NLRP13: variants seen among roughly 807,000 people sequenced by gnomAD.
NLRP13 encodes the protein NACHT, LRR and PYD domains-containing protein 13.
In NLRP13, 82 loss-of-function variants were observed where a neutral mutation model predicts 94.4. That is an observed-to-expected ratio of 0.87 (90% confidence interval 0.73 to 1.04). The LOEUF (loss-of-function observed/expected upper bound fraction) is 1.04. Ranked by LOEUF, NLRP13 falls within the 50% of genes least tolerant of loss-of-function variation. The pLI is 0.00. For missense variants in NLRP13, 1,426 were observed against 1,230.8 expected, an observed-to-expected ratio of 1.16 and a Z score of -2.37; for synonymous variants, 553 against 464.7, an observed-to-expected ratio of 1.19 and a Z score of -2.45.
chr19:55,907,548 G>T (rs113950900), intron 7 of NLRP13, among the ~76,000 whole-genome samples: 1 of 152,050 alleles, frequency 6.6e-6, no homozygotes, highest in Non-Finnish European at 1.5e-5. Flanking sequence ...CTCCAGCCCG[G>T]GGAACAGAGT....
At chr19:55,902,631 G>T (rs554505425) in intron 8 of NLRP13, among the ~76,000 whole-genome samples, 1 of 152,194 alleles carries the variant, frequency 6.6e-6, no homozygotes, top group Admixed American at 6.5e-5. Flanking sequence ...AGCTGCCAGT[G>T]AGCCCACGAG....
chr19:55,893,686 C>T (rs1272648274), downstream of NLRP13, among the ~76,000 whole-genome samples: 1 of 152,102 alleles, frequency 6.6e-6, no homozygotes, highest in Non-Finnish European at 1.5e-5. Flanking sequence ...TAACTCAGGC[C>T]ATTTTCACTG....
intron 4 of NLRP13, among the ~76,000 whole-genome samples, chr19:55,919,394 A>T (rs1986754902): frequency 6.6e-6 from 1 of 152,130 alleles, no homozygotes; most frequent in African/African-American, 2.4e-5. Context: ...AGAGAAAGAA[A>T]TAAAAAGGTA....
chr19:55,922,564 G>A (rs1194863350), intron 4 of NLRP13, among the ~76,000 whole-genome samples: 1 of 152,192 alleles, frequency 6.6e-6, no homozygotes, highest in Non-Finnish European at 1.5e-5. Context: ...TTGACCTCGT[G>A]ATCTGCCTAC....
intron 4 of NLRP13, among the ~76,000 whole-genome samples, chr19:55,922,711 G>A (rs1313761295): frequency 2.0e-5 from 3 of 152,308 alleles, no homozygotes; most frequent in Admixed American, 1.3e-4. Context: ...TTCATTCCAA[G>A]ACTCAGCATC....
downstream of NLRP13, among the ~76,000 whole-genome samples, chr19:55,892,378 T>TAC (rs887019606): frequency 9.3e-5 from 5 of 54,028 alleles, no homozygotes; most frequent in South Asian, 7.7e-3. Context: ...TATATGTATA[T>TAC]ACACACACAT....
chr19:55,912,105 T>C lies in NLRP13; in HGVS notation c.1712A>G (p.Gln571Arg). The change falls in exon 5 of 11, where the codon CAA (glutamine) becomes CGA (arginine). Residue 571 changes from glutamine to arginine, a missense_variant. By Grantham distance (43) the Gln-to-Arg change is conservative. Coordinates refer to ENST00000342929, the MANE Select transcript of NLRP13 (RefSeq NM_176810.2). ...GGCTTCTTTGTCAAGCAAGACGTGTTGCAGTAACATCTTCATCTCTTGTGG... is the reference window on the plus strand; with the variant it reads ...GGCTTCTTTGTCAAGCAAGACGTGTCGCAGTAACATCTTCATCTCTTGTGG... ...TKPQEMKMLL[Q>R]HVLLDKEAYW... 2 of 1,614,230 alleles carry C rather than the reference T, an allele frequency of 1.2e-6. No homozygotes were observed. Among genetic ancestry groups the C allele is most frequent in the Non-Finnish European group, 1.7e-6 (2 of 1,180,038 alleles).
intron 8 of NLRP13, among the ~76,000 whole-genome samples, chr19:55,902,467 A>G (rs1028991633): frequency 6.6e-6 from 1 of 152,158 alleles, no homozygotes; most frequent in South Asian, 2.1e-4. Context: ...TAAAGAAAAA[A>G]AAAACTTTCA....
At chr19:55,930,898 A>ATATATATACATATATATATACATAC in intron 1 of NLRP13, among the ~76,000 whole-genome samples, 13 of 104,876 alleles carry the variant, frequency 1.2e-4, no homozygotes, top group East Asian at 3.9e-4. Context: ...ATATATATAT[A>ATATATATACATATATATATACATAC]AAATTTTAAC....
intron 1 of NLRP13, among the ~76,000 whole-genome samples, chr19:55,927,388 A>G (rs1164171212): frequency 1.4e-5 from 2 of 146,686 alleles, no homozygotes; most frequent in African/African-American, 5.1e-5. Flanking sequence ...AAAAAAAAAG[A>G]GTGAAAACTA....
chr19:55,930,394 C>T (rs1370006522), intron 1 of NLRP13, among the ~76,000 whole-genome samples: 1 of 152,092 alleles, frequency 6.6e-6, no homozygotes, highest in East Asian at 1.9e-4. Flanking sequence ...AAGATAAATG[C>T]CTGGTTTATA....
chr19:55,922,234 C>T (rs1467537429), intron 4 of NLRP13, among the ~76,000 whole-genome samples: 1 of 152,054 alleles, frequency 6.6e-6, no homozygotes, highest in Non-Finnish European at 1.5e-5. Context: ...ATGGGAGCTA[C>T]AATTCAAGAT....
downstream of NLRP13, among the ~76,000 whole-genome samples, chr19:55,892,356 AAT>A (rs956823918): frequency 9.0e-5 from 12 of 133,994 alleles, no homozygotes; most frequent in South Asian, 2.8e-4. Context: ...CTTGTCAACA[AAT>A]ATATGTGTAT....
chr19:55,891,944 C>G, downstream of NLRP13: 1 of 420,848 alleles, frequency 2.4e-6, no homozygotes, highest in Non-Finnish European at 4.0e-6. Flanking sequence ...GCCAGGATGT[C>G]CTGGTGGCTT....
chr19:55,909,547 A>AT (rs1200069717), intron 6 of NLRP13, among the ~76,000 whole-genome samples: 6 of 151,570 alleles, frequency 4.0e-5, no homozygotes, highest in Non-Finnish European at 8.8e-5. Flanking sequence ...CAGGAAAAAA[A>AT]AAAAAAGTCC....
intron 5 of NLRP13, 29 bp downstream of exon 5, chr19:55,911,677 C>G (rs1305186956): frequency 6.5e-7 from 1 of 1,539,634 alleles, no homozygotes; most frequent in Admixed American, 2.1e-5. Flanking sequence ...CAGGAGAAAG[C>G]TGAGAAAGAA....
intron 4 of NLRP13, among the ~76,000 whole-genome samples, chr19:55,914,370 G>T (rs1986626794): frequency 6.6e-6 from 1 of 152,162 alleles, no homozygotes. Context: ...GGAATGAGAT[G>T]CCGTAATTTA....
chr19:55,910,428 T>C, intron 6 of NLRP13, 135 bp downstream of exon 6: 4 of 814,080 alleles, frequency 4.9e-6, no homozygotes, highest in South Asian at 3.2e-5. Context: ...GTTTCATAAA[T>C]ACAAGCACAG....
At chr19:55,896,992 G>T (rs1396585280) in intron 10 of NLRP13, among the ~76,000 whole-genome samples, 1 of 152,052 alleles carries the variant, frequency 6.6e-6, no homozygotes, top group Admixed American at 6.6e-5. Flanking sequence ...TAACCTGCCA[G>T]AATGTGAAAC....
Sources: gnomAD v4.1 joint callset for allele counts (sites outside exome capture counted in the v4.1 genomes callset) on GRCh38, gnomAD v4.1.1 for gene constraint, MANE v1.5 for transcripts, NCBI Gene and HGNC (gene_info 2026-07-23, HGNC 2026-07-21) for gene names.